The following POU6F2 variants were observed in gnomAD, a reference collection of about 807,000 sequenced individuals.
The protein encoded by POU6F2 is POU class 6 homeobox 2.
In POU6F2, 31 loss-of-function variants were observed where a neutral mutation model predicts 71.3. The observed-to-expected ratio is 0.43, with a 90% CI of 0.33 to 0.59. The LOEUF (loss-of-function observed/expected upper bound fraction) is 0.59, where lower values mean the gene tolerates loss of function less well. POU6F2 is among the 20% of genes least tolerant of loss of function. The pLI, the probability that POU6F2 is intolerant of heterozygous loss-of-function variation, is 0.04. For missense variants in POU6F2, 783 were observed against 856.8 expected, an observed-to-expected ratio of 0.91 and a Z score of 1.07; for synonymous variants, 347 against 355.7, an observed-to-expected ratio of 0.98 and a Z score of 0.27.
chr7:39,030,965 A>G (rs1016076412), intron 1 of POU6F2, among the ~76,000 whole-genome samples: 1 of 151,558 alleles, frequency 6.6e-6, no homozygotes, highest in East Asian at 1.9e-4. Flanking sequence ...CAGTGGTGTG[A>G]TCTCGGCTCA....
In POU6F2 at chr7:39,026,115, G is replaced by A. The variant is rs1023154184; in HGVS notation, c.105+48057G>A. ...TCAGGAAACAACAGGTGCCGGAGAGGATGTGGAGAAATAGGAACACTTTTA... is the reference window on the plus strand; with the variant it reads ...TCAGGAAACAACAGGTGCCGGAGAGAATGTGGAGAAATAGGAACACTTTTA... On this transcript the variant is annotated intron_variant, in intron 1 of 9. Coordinates refer to ENST00000518318, the MANE Select transcript of POU6F2 (RefSeq NM_001370959.1). Among the ~76,000 whole-genome samples the A allele has an allele frequency of 5.1e-4, 78 of 152,166 alleles. 1 individual carries two copies. Among genetic ancestry groups the A allele is most frequent in the Non-Finnish European group, 2.9e-4 (20 of 68,018 alleles).
chr7:39,384,475 C>T (rs1786895604), intron 5 of POU6F2, among the ~76,000 whole-genome samples: 1 of 152,208 alleles, frequency 6.6e-6, no homozygotes, highest in Non-Finnish European at 1.5e-5. Context: ...TAGTTGGAAT[C>T]TGCAGTTCTT....
intron 5 of POU6F2, among the ~76,000 whole-genome samples, chr7:39,345,211 C>T (rs1434404239): frequency 6.6e-6 from 1 of 152,096 alleles, no homozygotes; most frequent in Admixed American, 6.6e-5. Flanking sequence ...GTAGTAAGGT[C>T]TTATTCATCT....
At chr7:39,015,697 T>TAGA (rs368162504) in intron 1 of POU6F2, among the ~76,000 whole-genome samples, 7,263 of 88,458 alleles carry the variant, frequency 0.082, 639 homozygotes, top group Non-Finnish European at 0.097. Flanking sequence ...TATCTATATA[T>TAGA]TATATATATC....
intron 2 of POU6F2, among the ~76,000 whole-genome samples, chr7:39,167,394 T>G (rs1584578883): frequency 1.3e-5 from 2 of 152,236 alleles, no homozygotes; most frequent in East Asian, 3.9e-4. Flanking sequence ...ATTTACTTAG[T>G]TTTCTATTGA....
chr7:39,438,062 A>G (rs1457794489), intron 7 of POU6F2, among the ~76,000 whole-genome samples: 1 of 152,134 alleles, frequency 6.6e-6, no homozygotes, highest in Non-Finnish European at 1.5e-5. Context: ...CATCATTTAC[A>G]TTAGGTATAT....
intron 5 of POU6F2, among the ~76,000 whole-genome samples, chr7:39,404,422 T>C (rs767989084): frequency 1.3e-5 from 2 of 152,238 alleles, no homozygotes; most frequent in Non-Finnish European, 2.9e-5. Flanking sequence ...TTGATCAACA[T>C]AGATGTTAGG....
intron 5 of POU6F2, among the ~76,000 whole-genome samples, chr7:39,394,671 T>C (rs1787137934): frequency 1.3e-5 from 2 of 152,242 alleles, no homozygotes; most frequent in South Asian, 4.1e-4. Context: ...CCCATAATTA[T>C]TCTTTTTTCT....
intron 1 of POU6F2, among the ~76,000 whole-genome samples, chr7:39,040,962 G>A (rs983549140): frequency 6.6e-6 from 1 of 151,948 alleles, no homozygotes; most frequent in South Asian, 2.1e-4. Flanking sequence ...CTCATACAGT[G>A]GTCTGTAGAA....
chr7:39,229,191 A>G (rs148256682), intron 4 of POU6F2, among the ~76,000 whole-genome samples: 3 of 152,334 alleles, frequency 2.0e-5, no homozygotes, highest in African/African-American at 7.2e-5. Flanking sequence ...GCCTGTGAAT[A>G]CATAAAGAGC....
At chr7:39,391,946 A>G (rs1344061569) in intron 5 of POU6F2, among the ~76,000 whole-genome samples, 1 of 152,214 alleles carries the variant, frequency 6.6e-6, no homozygotes. Flanking sequence ...AGAGGTGTTC[A>G]CGTGCCTCTT....
At chr7:39,088,747 T>G (rs1001405051) in intron 2 of POU6F2, among the ~76,000 whole-genome samples, 1 of 152,186 alleles carries the variant, frequency 6.6e-6, no homozygotes, top group Non-Finnish European at 1.5e-5. Flanking sequence ...CAAGCAGAGC[T>G]CAGGGTTTTT....
chr7:39,311,369 C>A (rs1035067401), intron 4 of POU6F2, among the ~76,000 whole-genome samples: 2 of 152,054 alleles, frequency 1.3e-5, no homozygotes, highest in East Asian at 3.8e-4. Context: ...CATCACCTCA[C>A]CCTGCCACAG....
chr7:39,186,437 A>G (rs1004488314), intron 2 of POU6F2, among the ~76,000 whole-genome samples: 1 of 152,084 alleles, frequency 6.6e-6, no homozygotes, highest in East Asian at 1.9e-4. Context: ...TTGTTTATTT[A>G]TATGGCCCCT....
In POU6F2 at chr7:39,454,655, GATATAT is replaced by G. The variant is rs70977474; in HGVS notation, c.1489+3022_1489+3027del. ...CCAGGAACCAAGGATGAAGACCAGG[GATATAT>G]ATATATATATATATATATATATATA... is the stretch of plus-strand genomic sequence containing the variant. On this transcript the variant is annotated intron_variant, in intron 8 of 9. Transcript: ENST00000518318. Among the ~76,000 whole-genome samples, 16 of 63,318 alleles carry G rather than the reference GATATAT, an allele frequency of 2.5e-4. 1 individual carries two copies. The highest frequency in any genetic ancestry group is 1.3e-3 in the South Asian group (2 of 1,520). The allele number at this position is 63,318 out of a possible 152,430, so 41.5% of individuals were successfully genotyped here.
At chr7:39,203,331 T>G (rs2128745183) in intron 2 of POU6F2, among the ~76,000 whole-genome samples, 1 of 152,290 alleles carries the variant, frequency 6.6e-6, no homozygotes, top group African/African-American at 2.4e-5. Flanking sequence ...CTTGTTAAGG[T>G]TTGCTTGGAA....
At position 39,460,515 on chromosome 7, in the gene POU6F2, T is replaced by C. The variant is rs369984357; in HGVS notation, c.1490-32T>C. 4.4e-6 allele frequency: 7 copies of C among 1,607,322 alleles called. No individual in the cohort carries two copies. The highest frequency in any genetic ancestry group is 6.0e-6 in the Non-Finnish European group (7 of 1,176,390). ...GATATTGCTCGGCTGTGTGTTGACGTATTGATCCTATTTTTAAAAACATCT... is the reference window on the plus strand; with the variant it reads ...GATATTGCTCGGCTGTGTGTTGACGCATTGATCCTATTTTTAAAAACATCT... On this transcript the variant is annotated intron_variant, in intron 8 of 9. Coordinates refer to ENST00000518318, the MANE Select transcript of POU6F2 (RefSeq NM_001370959.1). This position sits in a 1 kb window ranked among gnomAD's most constrained non-coding sequence, Gnocchi z 4.4.
In POU6F2 at chr7:39,270,752, A is replaced by G. The variant is rs560417967; in HGVS notation, c.598+63132A>G. Among the ~76,000 whole-genome samples the G allele has an allele frequency of 2.9e-3, 448 of 152,200 alleles. 2 individuals carry two copies. Among genetic ancestry groups the G allele is most frequent in the Non-Finnish European group, 4.7e-3 (322 of 68,020 alleles). On this transcript the variant is annotated intron_variant, in intron 4 of 9. Coordinates refer to ENST00000518318, the MANE Select transcript of POU6F2 (RefSeq NM_001370959.1). ...GCACTCAAACTTTATCTTTCTATCA[A>G]TTAGCTTACACATCTCTAGAATGTG...
chr7:39,275,743 C>T (rs1269822997), intron 4 of POU6F2, among the ~76,000 whole-genome samples: 13 of 151,864 alleles, frequency 8.6e-5, no homozygotes, highest in African/African-American at 2.2e-4. Context: ...TCAGAAATAA[C>T]GCCGCATATC....
Sources: allele counts gnomAD v4.1 joint callset (sites outside exome capture counted in the v4.1 genomes callset), GRCh38; gene constraint gnomAD v4.1.1; non-coding constraint Gnocchi (gnomAD v3.1); transcripts MANE v1.5; gene names NCBI Gene and HGNC (gene_info 2026-07-23, HGNC 2026-07-21).